The following RABEP1 variants were observed in gnomAD, a reference collection of about 807,000 sequenced individuals.
The protein encoded by RABEP1 is rabaptin, RAB GTPase binding effector protein 1.
RABEP1 carries 51 observed loss-of-function variants against 123.4 expected under a neutral mutation model. That is an observed-to-expected ratio of 0.41 (90% CI 0.33 to 0.52). The LOEUF is 0.52. Among genes scored for constraint, RABEP1 ranks in the 20% least tolerant of loss-of-function variants. The probability of loss-of-function intolerance (pLI) is 0.16; values close to 1 mark genes in which losing one functional copy is unlikely to be tolerated. For synonymous variants in RABEP1, 347 were observed against 355.2 expected (o/e 0.98, Z 0.26); for missense variants, 888 against 996.3 (o/e 0.89, Z 1.46).
chr17:5,285,549 C>G (rs1357663692), intron 1 of RABEP1, among the ~76,000 whole-genome samples: 1 of 152,180 alleles, frequency 6.6e-6, no homozygotes, highest in Admixed American at 6.5e-5. Flanking sequence ...ATACATAAGT[C>G]TGCAACTTCC....
chr17:5,377,817 C>T (rs747466380), intron 14 of RABEP1, among the ~76,000 whole-genome samples: 4 of 152,148 alleles, frequency 2.6e-5, no homozygotes, highest in South Asian at 2.1e-4. Context: ...TAAGCCAACG[C>T]GCCTGGCCGA....
chr17:5,386,092 C>A lies in RABEP1; in HGVS notation c.*2869C>A. 1.4e-6 allele frequency: 1 copy of A among 728,836 alleles called. No individual in the cohort carries two copies. Among genetic ancestry groups the A allele is most frequent in the Non-Finnish European group, 2.3e-6 (1 of 434,892 alleles). 45.1% of individuals were successfully genotyped at this position (728,836 alleles called of 1,614,324 possible). A position where few individuals can be genotyped will look rare whatever the true frequency, so the allele number is the denominator to read the frequency against. On this transcript the variant is annotated 3_prime_UTR_variant, in exon 18 of 18. Transcript: ENST00000537505. Reference sequence around the variant, plus strand: ...ACAACATATTTAAAAAGATGAACCACACCAAAGGTCATCAAAACACCTTTT... The same window carrying A: ...ACAACATATTTAAAAAGATGAACCAAACCAAAGGTCATCAAAACACCTTTT...
chr17:5,296,198 C>T (rs1484658090), intron 1 of RABEP1, among the ~76,000 whole-genome samples: 1 of 152,076 alleles, frequency 6.6e-6, no homozygotes, highest in Non-Finnish European at 1.5e-5. Flanking sequence ...AGAATTTTTG[C>T]GATTATATTC....
At chr17:5,291,587 G>T (rs1173370769) in intron 1 of RABEP1, among the ~76,000 whole-genome samples, 1 of 152,076 alleles carries the variant, frequency 6.6e-6, no homozygotes, top group African/African-American at 2.4e-5. Flanking sequence ...TCCCTGTGTT[G>T]TAAGTTTTTT....
chr17:5,383,029 G>C, intron 17 of RABEP1, 93 bp from the exon 18 acceptor site: 1 of 941,650 alleles, frequency 1.1e-6, no homozygotes, highest in Non-Finnish European at 1.7e-6. Context: ...TAGTACTCTG[G>C]TGAGTTAATC....
intron 1 of RABEP1, among the ~76,000 whole-genome samples, chr17:5,308,473 G>T (rs542868934): frequency 6.6e-6 from 1 of 152,094 alleles, no homozygotes. Context: ...TGATCCGCCC[G>T]CCTCGGCCTC....
intron 1 of RABEP1, among the ~76,000 whole-genome samples, chr17:5,284,899 A>G (rs2074962904): frequency 6.6e-6 from 1 of 151,960 alleles, no homozygotes; most frequent in Non-Finnish European, 1.5e-5. Flanking sequence ...ACTGGTGGTG[A>G]AAGATAACTA....
chr17:5,368,122 G>A (rs1367231947), intron 11 of RABEP1, among the ~76,000 whole-genome samples: 1 of 152,040 alleles, frequency 6.6e-6, no homozygotes, highest in East Asian at 1.9e-4. Flanking sequence ...TGTCTGCCTA[G>A]AAACCCATAG....
Position 5,332,172 on chromosome 17 carries a change from A to C in RABEP1, c.367+20A>C. On this transcript the variant is annotated intron_variant, in intron 3 of 17. Transcript: ENST00000537505. ...TGAAAGGTAAAGACAGAGAAAGATC[A>C]ATTTTGTGATTTTCTAAGATATCCG... 1.9e-6 allele frequency: 3 copies of C among 1,602,652 alleles called. No homozygotes were observed. Among genetic ancestry groups the C allele is most frequent in the Non-Finnish European group, 2.6e-6 (3 of 1,171,938 alleles).
intron 5 of RABEP1, among the ~76,000 whole-genome samples, chr17:5,343,917 C>T (rs1201522056): frequency 1.3e-5 from 2 of 151,884 alleles, no homozygotes; most frequent in Admixed American, 6.6e-5. Context: ...CTCATGTGAT[C>T]CACTCACCTT....
chr17:5,323,424 A>G (rs986647978), intron 2 of RABEP1, among the ~76,000 whole-genome samples: 7 of 152,192 alleles, frequency 4.6e-5, no homozygotes, highest in Admixed American at 2.6e-4. Context: ...TCTTGTTCAC[A>G]GATGACACAG....
intron 17 of RABEP1, among the ~76,000 whole-genome samples, chr17:5,382,565 A>G (rs1324789751): frequency 6.6e-6 from 1 of 151,584 alleles, no homozygotes; most frequent in Non-Finnish European, 1.5e-5. Flanking sequence ...ATTGACCAAC[A>G]ATATGGTGAA....
rs1908093938 is a variant in RABEP1, at chr17:5,346,705, G to A, written c.649-85G>A. ...TAAAAGTAAGTGTAAATTTTTTTGA[G>A]GCATAGCCAGAACTTACCATCATTC... is the stretch of plus-strand genomic sequence containing the variant. On this transcript the variant is annotated intron_variant, in intron 5 of 17. Transcript: ENST00000537505. 4 of 1,101,452 alleles carry A rather than the reference G, an allele frequency of 3.6e-6. No homozygotes were observed. The South Asian group carries it at 9.9e-5, about 27-fold the overall frequency. 68.2% of individuals were successfully genotyped at this position (1,101,452 alleles called of 1,614,324 possible). A position where few individuals can be genotyped will look rare whatever the true frequency, so the allele number is the denominator to read the frequency against.
At chr17:5,302,451 G>C (rs888669646) in intron 1 of RABEP1, among the ~76,000 whole-genome samples, 2 of 151,920 alleles carry the variant, frequency 1.3e-5, no homozygotes, top group African/African-American at 4.8e-5. Context: ...ATATTAGCCA[G>C]GCTGGTCTCG....
chr17:5,331,897 C>A, intron 2 of RABEP1, 52 bp from the exon 3 acceptor site: 1 of 1,496,606 alleles, frequency 6.7e-7, no homozygotes, highest in Non-Finnish European at 9.3e-7. Flanking sequence ...TATTGGAATG[C>A]CAGTCTGATC....
At position 5,368,432 on chromosome 17, in the gene RABEP1, G is replaced by A. The variant is rs1271157411; in HGVS notation, c.1848G>A (p.Gly616=). ...SEILLEELQQ[G]LSQAKRDVQE... is the part of the protein sequence containing the mutation. ...TCTTACTTGAAGAGTTACAGCAGGG[G>A]CTTTCCCAGGCAAAGAGGGATGTTC... The change falls in exon 12 of 18, where the codon GGG becomes GGA. Residue 616 remains glycine (G), a synonymous_variant. Transcript: ENST00000537505. The A allele has an allele frequency of 1.2e-6, 2 of 1,613,638 alleles. No homozygotes were observed. The highest frequency in any genetic ancestry group is 1.7e-6 in the Non-Finnish European group (2 of 1,179,844).
At chr17:5,347,738 A>G (rs528045215) in intron 6 of RABEP1, among the ~76,000 whole-genome samples, 1 of 152,276 alleles carries the variant, frequency 6.6e-6, no homozygotes, top group East Asian at 1.9e-4. Flanking sequence ...CTTTGAGTGA[A>G]GTTTTGGCCT....
Position 5,360,981 on chromosome 17 carries a change from A to C in RABEP1, c.1096-227A>C, listed in dbSNP as rs186158745. 1.4e-5 allele frequency: 7 copies of C among 516,858 alleles called. No homozygotes were observed. In the East Asian group the frequency reaches 2.3e-4, roughly 17 times the overall value. 32.0% of individuals were successfully genotyped at this position (516,858 alleles called of 1,614,324 possible). ...TTATCTTTTTTTTTTTTGAAGCCGTATGTATCTCGAGGTCAGGGATTATAT... is the reference window on the plus strand; with the variant it reads ...TTATCTTTTTTTTTTTTGAAGCCGTCTGTATCTCGAGGTCAGGGATTATAT... On this transcript the variant is annotated intron_variant, in intron 8 of 17. Coordinates refer to ENST00000537505, the MANE Select transcript of RABEP1 (RefSeq NM_004703.6).
intron 1 of RABEP1, among the ~76,000 whole-genome samples, chr17:5,293,547 T>C (rs1407769902): frequency 2.0e-5 from 3 of 152,000 alleles, no homozygotes; most frequent in Admixed American, 2.0e-4. Context: ...GAGGGCCCTA[T>C]AGGCACATGC....
Sources: gnomAD v4.1 joint callset for allele counts (sites outside exome capture counted in the v4.1 genomes callset) on GRCh38, gnomAD v4.1.1 for gene constraint, MANE v1.5 for transcripts, NCBI Gene and HGNC (gene_info 2026-07-23, HGNC 2026-07-21) for gene names.